The following CDH10 variants were observed in gnomAD, a reference collection of about 807,000 sequenced individuals.
CDH10 encodes cadherin 10.
CDH10 carries 30 observed loss-of-function variants against 73.1 expected under a neutral mutation model. The observed-to-expected ratio is 0.41, with a 90% CI of 0.31 to 0.56. CDH10 has a LOEUF of 0.56. Ranked by LOEUF, CDH10 falls within the 20% of genes least tolerant of loss-of-function variation. The probability of loss-of-function intolerance (pLI) is 0.27; values close to 1 mark genes in which losing one functional copy is unlikely to be tolerated. For missense variants in CDH10, 815 were observed against 973.7 expected (o/e 0.84, Z 2.17); for synonymous variants, 345 against 348.2 (o/e 0.99, Z 0.10).
At chr5:24,587,191 T>C (rs1158713831) in intron 2 of CDH10, among the ~76,000 whole-genome samples, 1 of 152,142 alleles carries the variant, frequency 6.6e-6, no homozygotes, top group Non-Finnish European at 1.5e-5. Context: ...CTATATGAAG[T>C]GACTATTTAA....
chr5:24,496,929 A>AG (rs1408618722), intron 9 of CDH10, among the ~76,000 whole-genome samples: 2 of 152,144 alleles, frequency 1.3e-5, no homozygotes, highest in Non-Finnish European at 2.9e-5. Flanking sequence ...TCTTATTAGA[A>AG]TTTGCCTGTA....
intron 1 of CDH10, among the ~76,000 whole-genome samples, chr5:24,617,699 A>C (rs1747171653): frequency 1.3e-5 from 2 of 152,218 alleles, no homozygotes; most frequent in South Asian, 4.1e-4. Context: ...ACAAAGGAAT[A>C]ATCAAACAGC....
chr5:24,548,480 CT>C (rs70965609), intron 2 of CDH10, among the ~76,000 whole-genome samples: 29,846 of 108,496 alleles, frequency 0.28, 2,791 homozygotes, highest in Admixed American at 0.32. Context: ...CAGTCCTCCT[CT>C]TTTTTTTTTT....
chr5:24,602,138 T>A (rs1483652070), intron 1 of CDH10, among the ~76,000 whole-genome samples: 1 of 152,178 alleles, frequency 6.6e-6, no homozygotes, highest in Non-Finnish European at 1.5e-5. Context: ...AAATCCAGTA[T>A]AATACTAAAC....
Position 24,593,340 on chromosome 5 carries a change from G to A in CDH10, c.151C>T (p.Arg51Cys), listed in dbSNP as rs760208493. The A allele has an allele frequency of 3.1e-6, 5 of 1,612,852 alleles. No homozygotes were observed. The highest frequency in any genetic ancestry group is 1.7e-5 in the Admixed American group (1 of 59,942). Residue 51 changes from arginine (R) to cysteine (C), a missense_variant, in exon 2 of 12, where the codon CGT becomes TGT. Arg to Cys is a radical substitution (Grantham distance 180, BLOSUM62 -3). Coordinates refer to ENST00000264463, the MANE Select transcript of CDH10 (RefSeq NM_006727.5). ...TTCCACATCCAACCACGTTTTTGAC[G>A]ATGGAGAATTTTGCCATCACTCCTT... ...VPRSDGKILH[R>C]QKRGWMWNQF...
At chr5:24,562,823 A>T (rs576264917) in intron 2 of CDH10, among the ~76,000 whole-genome samples, 1,448 of 143,396 alleles carry the variant, frequency 0.01, 31 homozygotes, top group African/African-American at 0.034. Flanking sequence ...CCTTTTTTTA[A>T]AAAAACTTTG....
intron 7 of CDH10, among the ~76,000 whole-genome samples, chr5:24,506,700 T>TA (rs1742713982): frequency 6.6e-6 from 1 of 152,194 alleles, no homozygotes; most frequent in African/African-American, 2.4e-5. Flanking sequence ...TAATATCTGA[T>TA]ATGGTGATCC....
intron 5 of CDH10, among the ~76,000 whole-genome samples, chr5:24,521,589 GC>G (rs1472943851): frequency 6.6e-6 from 1 of 151,616 alleles, no homozygotes; most frequent in Non-Finnish European, 1.5e-5. Flanking sequence ...TCGAGCCTGG[GC>G]AACAAGAGTG....
chr5:24,492,720 C>A (rs1205707564), intron 10 of CDH10, 97 bp downstream of exon 10: 1 of 628,182 alleles, frequency 1.6e-6, no homozygotes, highest in Non-Finnish European at 2.9e-6. Context: ...TAACTCAGAT[C>A]AATAAATTGA....
intron 2 of CDH10, 110 bp downstream of exon 2, chr5:24,593,150 G>A: frequency 1.5e-6 from 1 of 649,844 alleles, no homozygotes. Context: ...CCTTTAGGGA[G>A]ATTTAAAGAA....
chr5:24,487,632 T>C lies in CDH10; in HGVS notation c.*31A>G. The C allele has an allele frequency of 6.4e-7, 1 of 1,565,978 alleles. No homozygotes were observed. The highest frequency in any genetic ancestry group is 1.2e-5 in the South Asian group (1 of 84,454). On this transcript the variant is annotated 3_prime_UTR_variant, in exon 12 of 12. Transcript: ENST00000264463. The stretch of plus-strand genomic sequence containing the variant: ...GGAGACAGCATGGGTAGAGTTACTT[T>C]CTCTTGTTTGAACAGAACATATATC...
Position 24,509,499 on chromosome 5 carries a change from A to G in CDH10, c.1256+67T>C. 2.0e-6 allele frequency: 3 copies of G among 1,485,322 alleles called. No homozygotes were observed. In the Admixed American group the frequency reaches 5.6e-5, roughly 28 times the overall value. The allele number at this position is 1,485,322 out of a possible 1,614,324, so 92.0% of individuals were successfully genotyped here. A position where few individuals can be genotyped will look rare whatever the true frequency, so the allele number is the denominator to read the frequency against. ...CGTGATCCACCCGCCTCGGCCTCCCAAAGTGCTGGGATTACAGGCGTGAGC... is the reference window on the plus strand; with the variant it reads ...CGTGATCCACCCGCCTCGGCCTCCCGAAGTGCTGGGATTACAGGCGTGAGC... On this transcript the variant is annotated intron_variant, in intron 7 of 11. Coordinates refer to ENST00000264463, the MANE Select transcript of CDH10 (RefSeq NM_006727.5).
chr5:24,511,570 AG>A (rs1742911952), intron 5 of CDH10, 56 bp from the exon 6 acceptor site: 2 of 806,314 alleles, frequency 2.5e-6, no homozygotes, highest in African/African-American at 3.7e-5. Flanking sequence ...AGAGAGAGAG[AG>A]AGAGAGAGAG....
intron 2 of CDH10, among the ~76,000 whole-genome samples, chr5:24,542,394 AC>A (rs1324151890): frequency 6.6e-6 from 1 of 152,148 alleles, no homozygotes; most frequent in Non-Finnish European, 1.5e-5. Context: ...AGTTTATAAT[AC>A]TGTATTTTTA....
chr5:24,558,081 C>A (rs1744826367), intron 2 of CDH10, among the ~76,000 whole-genome samples: 1 of 151,632 alleles, frequency 6.6e-6, no homozygotes. Flanking sequence ...GGGAAAAAGA[C>A]AAAATATATT....
intron 1 of CDH10, among the ~76,000 whole-genome samples, chr5:24,611,231 A>G (rs990238453): frequency 6.6e-6 from 1 of 152,112 alleles, no homozygotes. Flanking sequence ...ACACCAAACA[A>G]TGCTGATGAA....
intron 2 of CDH10, among the ~76,000 whole-genome samples, chr5:24,569,491 T>G (rs920944140): frequency 3.3e-5 from 5 of 152,112 alleles, no homozygotes; most frequent in Non-Finnish European, 5.9e-5. Context: ...TATGCTAAAA[T>G]AAATGCTACA....
In CDH10 at chr5:24,593,301, G is replaced by A; in HGVS notation, c.190C>T (p.Leu64Phe). Residue 64 changes from leucine to phenylalanine, a missense_variant, in exon 2 of 12, where the codon CTT (leucine) becomes TTT (phenylalanine). Physicochemically the swap from Leu to Phe is conservative, Grantham distance 22. Around this residue, in one of 3 missense-constraint regions of CDH10, gnomAD observed 58 missense variants for 96.7 expected, o/e 0.60. Transcript: ENST00000264463. ...RGWMWNQFFL[L>F]EEYTGSDYQY... is the part of the protein sequence containing the mutation. Reference sequence around the variant, plus strand: ...TAATCAGATCCTGTATATTCTTCAAGTAAGAAAAATTGATTCCACATCCAA... The same window carrying A: ...TAATCAGATCCTGTATATTCTTCAAATAAGAAAAATTGATTCCACATCCAA... The A allele has an allele frequency of 6.2e-7, 1 of 1,611,580 alleles. No individual in the cohort carries two copies. Among genetic ancestry groups the A allele is most frequent in the Non-Finnish European group, 8.5e-7 (1 of 1,177,942 alleles).
intron 2 of CDH10, among the ~76,000 whole-genome samples, chr5:24,585,673 C>T (rs1163883003): frequency 6.6e-6 from 1 of 152,104 alleles, no homozygotes; most frequent in Non-Finnish European, 1.5e-5. Flanking sequence ...ATCCACCTGT[C>T]TCAGCCTCCC....
Sources: gnomAD v4.1 joint callset for allele counts (sites outside exome capture counted in the v4.1 genomes callset) on GRCh38, gnomAD v4.1.1 for gene constraint, gnomAD v4.1.1 regional missense constraint, MANE v1.5 for transcripts, NCBI Gene and HGNC (gene_info 2026-07-23, HGNC 2026-07-21) for gene names.